Variants in SV2C observed in about 807,000 individuals in gnomAD.
SV2C encodes the protein solute carrier family 22 member B3.
SV2C carries 49 observed loss-of-function variants against 79.7 expected under a neutral mutation model. That is an observed-to-expected ratio of 0.61 (90% CI 0.49 to 0.78). The LOEUF (loss-of-function observed/expected upper bound fraction) is 0.78. SV2C is among the 30% of genes least tolerant of loss of function. The probability of loss-of-function intolerance (pLI) is 0.00; values close to 1 mark genes in which losing one functional copy is unlikely to be tolerated. For synonymous variants in SV2C, 334 were observed against 333.2 expected, an observed-to-expected ratio of 1.00 and a Z score of -0.03; for missense variants, 833 against 912.9, an observed-to-expected ratio of 0.91 and a Z score of 1.13.
the SV2C span, among the ~76,000 whole-genome samples, chr5:75,984,326 G>A: frequency 6.6e-6 from 1 of 151,730 alleles, no homozygotes; most frequent in African/African-American, 2.4e-5. Context: ...TATAATAATA[G>A]CAAATAGCAA....
At chr5:76,069,796 C>T in the SV2C span, among the ~76,000 whole-genome samples, 1 of 151,914 alleles carries the variant, frequency 6.6e-6, no homozygotes, top group Non-Finnish European at 1.5e-5. Context: ...CTCTCTCTTT[C>T]TCACTGTCTC....
the SV2C span, among the ~76,000 whole-genome samples, chr5:75,954,608 C>G: frequency 6.0e-5 from 9 of 149,816 alleles, no homozygotes; most frequent in East Asian, 9.8e-4. Context: ...CAAATTGTCC[C>G]TGTTTGCAGA....
the SV2C span, among the ~76,000 whole-genome samples, chr5:75,877,450 C>T: frequency 6.6e-6 from 1 of 151,988 alleles, no homozygotes; most frequent in Non-Finnish European, 1.5e-5. Flanking sequence ...CATGCAACAA[C>T]AGAATATGGC....
the SV2C span, among the ~76,000 whole-genome samples, chr5:75,898,201 G>T: frequency 6.6e-6 from 1 of 152,126 alleles, no homozygotes; most frequent in Non-Finnish European, 1.5e-5. Flanking sequence ...TATTGGCTGT[G>T]GGTTTGTCAT....
chr5:75,934,306 T>C, the SV2C span, among the ~76,000 whole-genome samples: 5 of 142,256 alleles, frequency 3.5e-5, no homozygotes, highest in East Asian at 4.0e-4. Flanking sequence ...TTCTTTCTTT[T>C]TTTTTTTTTT....
chr5:75,860,234 T>C, the SV2C span, among the ~76,000 whole-genome samples: 3 of 152,336 alleles, frequency 2.0e-5, no homozygotes, highest in South Asian at 4.1e-4. Flanking sequence ...GTTGCAGTTC[T>C]ATACACCAGT....
intron 1 of SV2C, among the ~76,000 whole-genome samples, chr5:76,113,566 C>T (rs1197842497): frequency 2.0e-5 from 3 of 152,130 alleles, no homozygotes; most frequent in African/African-American, 7.2e-5. Flanking sequence ...CTTTGGAGGC[C>T]AGATCAGTTC....
the SV2C span, among the ~76,000 whole-genome samples, chr5:76,071,700 C>T: frequency 1.3e-5 from 2 of 152,188 alleles, no homozygotes; most frequent in Non-Finnish European, 2.9e-5. Context: ...GAGCTTACTA[C>T]ATGCATTTTT....
chr5:76,309,643 A>AAAT (rs1748346109), intron 12 of SV2C, among the ~76,000 whole-genome samples: 1 of 150,752 alleles, frequency 6.6e-6, no homozygotes, highest in African/African-American at 2.4e-5. Context: ...AAAGAAAGAA[A>AAAT]AATGTAGGTT....
intron 2 of SV2C, among the ~76,000 whole-genome samples, chr5:76,161,232 G>A (rs1016506391): frequency 3.3e-5 from 5 of 152,138 alleles, no homozygotes; most frequent in African/African-American, 9.7e-5. Context: ...GATGAGCCTT[G>A]AAAATGTTAT....
chr5:75,979,335 T>A, the SV2C span, among the ~76,000 whole-genome samples: 3 of 151,706 alleles, frequency 2.0e-5, no homozygotes, highest in South Asian at 6.3e-4. Flanking sequence ...AGACAGAAAA[T>A]TAACAGAAAT....
chr5:76,032,097 G>A, the SV2C span, among the ~76,000 whole-genome samples: 19 of 152,156 alleles, frequency 1.2e-4, no homozygotes, highest in African/African-American at 4.3e-4. Flanking sequence ...ATGAGATGGA[G>A]TATAAGCACA....
the SV2C span, among the ~76,000 whole-genome samples, chr5:75,926,219 TGCTTACCCAAACTCTCATCTTTGA>T: frequency 6.6e-6 from 1 of 152,152 alleles, no homozygotes; most frequent in Non-Finnish European, 1.5e-5. Flanking sequence ...AACTCTCATC[TGCTTACCCAAACTCTCATCTTTGA>T]GCTTACCCAA....
chr5:76,101,754 A>G (rs1747748117), intron 1 of SV2C, among the ~76,000 whole-genome samples: 1 of 152,208 alleles, frequency 6.6e-6, no homozygotes, highest in African/African-American at 2.4e-5. Context: ...GGCCAAAAAT[A>G]GAGGTAAAAT....
intron 2 of SV2C, among the ~76,000 whole-genome samples, chr5:76,143,758 A>G (rs1749334750): frequency 6.6e-6 from 1 of 152,162 alleles, no homozygotes; most frequent in South Asian, 2.1e-4. Flanking sequence ...TTGTGGTTTT[A>G]ACATCGAGGA....
At chr5:76,123,614 CACAG>C (rs1205530089) in intron 1 of SV2C, among the ~76,000 whole-genome samples, 2 of 152,106 alleles carry the variant, frequency 1.3e-5, no homozygotes, top group Admixed American at 1.3e-4. Context: ...TAAACAGAAC[CACAG>C]ACAAAAACCA....
chr5:76,066,066 A>C, the SV2C span, among the ~76,000 whole-genome samples: 1 of 152,186 alleles, frequency 6.6e-6, no homozygotes, highest in East Asian at 1.9e-4. Flanking sequence ...TAGAACTAGA[A>C]ATACCATTTG....
upstream of SV2C, among the ~76,000 whole-genome samples, chr5:76,080,713 G>A (rs1477881108): frequency 6.6e-6 from 1 of 152,182 alleles, no homozygotes; most frequent in Non-Finnish European, 1.5e-5. Context: ...CCTGCATTGA[G>A]GAACAAAAGT....
At chr5:76,008,463 C>T in the SV2C span, among the ~76,000 whole-genome samples, 51 of 152,136 alleles carry the variant, frequency 3.4e-4, 1 homozygote, top group South Asian at 4.6e-3. Context: ...ATTTTTTCCT[C>T]GCAACGAGTC....
Sources: allele counts gnomAD v4.1 joint callset (sites outside exome capture counted in the v4.1 genomes callset), GRCh38; gene constraint gnomAD v4.1.1; transcripts MANE v1.5; gene names NCBI Gene and HGNC (gene_info 2026-07-23, HGNC 2026-07-21).